The following FNBP1L variants were observed in gnomAD, a reference collection of about 807,000 sequenced individuals.
The protein encoded by FNBP1L is formin-binding protein 1-like.
In FNBP1L, 36 loss-of-function variants were observed where a neutral mutation model predicts 91.2. The ratio of observed to expected loss-of-function variants is 0.39; its 90% confidence interval spans 0.30 to 0.52. The LOEUF (loss-of-function observed/expected upper bound fraction) is 0.52. Ranked by LOEUF, FNBP1L falls within the 20% of genes least tolerant of loss-of-function variation. The pLI is 0.66. For missense variants in FNBP1L, 571 were observed against 732.1 expected (o/e 0.78, Z 2.54); for synonymous variants, 242 against 237.0 (o/e 1.02, Z -0.19).
chr1:93,530,894 G>A lies in FNBP1L; in HGVS notation c.639+11G>A. ...CCTCAGATTTACAAGGTAAATCTTA[G>A]ATATGAAGTTAATCTAGTTTTAGAT... On this transcript the variant is annotated intron_variant, in intron 7 of 16. Coordinates refer to ENST00000271234, the MANE Select transcript of FNBP1L (RefSeq NM_001164473.3). 6.6e-7 allele frequency: 1 copy of A among 1,519,814 alleles called. No homozygotes were observed. Among genetic ancestry groups the A allele is most frequent in the Non-Finnish European group, 8.9e-7 (1 of 1,128,330 alleles). The allele number at this position is 1,519,814 out of a possible 1,614,324, so 94.1% of individuals were successfully genotyped here.
At chr1:93,466,687 T>C (rs1410653681) in intron 1 of FNBP1L, among the ~76,000 whole-genome samples, 1 of 152,224 alleles carries the variant, frequency 6.6e-6, no homozygotes, top group African/African-American at 2.4e-5. Flanking sequence ...CTGTGTGGGC[T>C]CTTTTTTTGG....
rs1431778292 is a variant in FNBP1L, at chr1:93,554,564, A to G, written c.*2148A>G. 1 of 152,610 alleles carries G rather than the reference A, an allele frequency of 6.6e-6. No homozygotes were observed. Among genetic ancestry groups the G allele is most frequent in the African/African-American group, 2.4e-5 (1 of 41,442 alleles). 9.5% of individuals were successfully genotyped at this position (152,610 alleles called of 1,614,324 possible). ...TTGGTAATTTTTACTCTTTTTGTGC[A>G]CATGTTGATTTCTTAATGGTAAATC... On this transcript the variant is annotated 3_prime_UTR_variant, in exon 17 of 17. Coordinates refer to ENST00000271234, the MANE Select transcript of FNBP1L (RefSeq NM_001164473.3).
At chr1:93,490,405 A>G (rs936861229) in intron 1 of FNBP1L, among the ~76,000 whole-genome samples, 33 of 152,254 alleles carry the variant, frequency 2.2e-4, no homozygotes, top group African/African-American at 7.7e-4. Context: ...ACAAAATTAA[A>G]AAAGAATGCC....
intron 1 of FNBP1L, among the ~76,000 whole-genome samples, chr1:93,476,202 C>G (rs1171411619): frequency 6.6e-6 from 1 of 152,118 alleles, no homozygotes; most frequent in African/African-American, 2.4e-5. Flanking sequence ...ATTCTATGTT[C>G]AATTAAAGTA....
intron 2 of FNBP1L, among the ~76,000 whole-genome samples, chr1:93,504,936 A>T (rs1670558884): frequency 6.6e-6 from 1 of 151,600 alleles, no homozygotes. Flanking sequence ...TTAAATTTTG[A>T]TGTAGTTTAT....
intron 12 of FNBP1L, 60 bp from the exon 13 acceptor site, chr1:93,546,780 ACT>A (rs1672255538): frequency 1.3e-6 from 2 of 1,574,654 alleles, no homozygotes; most frequent in Non-Finnish European, 8.6e-7. Flanking sequence ...GTCCAATAAA[ACT>A]CTTTTATCTG....
chr1:93,508,936 G>A (rs1047188452), intron 2 of FNBP1L, among the ~76,000 whole-genome samples: 8 of 152,208 alleles, frequency 5.3e-5, no homozygotes, highest in South Asian at 2.1e-4. Flanking sequence ...CTCTTTTTCC[G>A]TGGCTTTAAG....
intron 16 of FNBP1L, 149 bp downstream of exon 16, chr1:93,551,254 G>A: frequency 5.1e-6 from 7 of 1,371,030 alleles, no homozygotes; most frequent in Non-Finnish European, 6.6e-6. Context: ...TATGTGAGCT[G>A]AGTGTAGGCT....
intron 2 of FNBP1L, among the ~76,000 whole-genome samples, chr1:93,507,753 A>C (rs1411883377): frequency 6.6e-6 from 1 of 151,990 alleles, no homozygotes; most frequent in Non-Finnish European, 1.5e-5. Flanking sequence ...GGTTCAAGCG[A>C]TTCTCCTGCC....
chr1:93,537,114 T>A (rs1365993511), intron 10 of FNBP1L, among the ~76,000 whole-genome samples: 1 of 152,092 alleles, frequency 6.6e-6, no homozygotes, highest in African/African-American at 2.4e-5. Flanking sequence ...GTTATACTAC[T>A]AATAAATACA....
chr1:93,511,104 A>G (rs1670822660), intron 2 of FNBP1L, among the ~76,000 whole-genome samples: 1 of 152,210 alleles, frequency 6.6e-6, no homozygotes, highest in African/African-American at 2.4e-5. Flanking sequence ...AATAAAGAGA[A>G]TGCCACAAAG....
At chr1:93,472,704 C>T (rs911114186) in intron 1 of FNBP1L, among the ~76,000 whole-genome samples, 2 of 149,700 alleles carry the variant, frequency 1.3e-5, no homozygotes, top group Non-Finnish European at 1.5e-5. Flanking sequence ...TCCAGCTACT[C>T]GGGAGGCTGA....
At chr1:93,450,367 C>T in intron 1 of FNBP1L, among the ~76,000 whole-genome samples, 1 of 152,094 alleles carries the variant, frequency 6.6e-6, no homozygotes, top group Middle Eastern at 3.2e-3. Context: ...TTTAATTTTT[C>T]TCAACATTTA....
chr1:93,473,680 G>A (rs753976806), intron 1 of FNBP1L, among the ~76,000 whole-genome samples: 4 of 152,180 alleles, frequency 2.6e-5, no homozygotes, highest in Non-Finnish European at 5.9e-5. Flanking sequence ...ACAGACATTT[G>A]TATTAGTCTG....
At position 93,499,508 on chromosome 1, in the gene FNBP1L, T is replaced by C. The variant is rs983054561; in HGVS notation, c.65T>C (p.Ile22Thr). The change falls in exon 2 of 17, where the codon ATT (isoleucine) becomes ACT (threonine). Residue 22 changes from isoleucine to threonine, a missense_variant. By Grantham distance (89) the Ile-to-Thr change is moderately conservative (BLOSUM62 -1). This residue lies in a region of FNBP1L where 220 missense variants were observed against 313.6 expected (regional missense o/e 0.70). Transcript: ENST00000271234. ...TTAGACAAGCATACACAATGGGGAA[T>C]TGACTTCTTGGAAAGATATGCCAAA... ...DSLDKHTQWG[I>T]DFLERYAKFV... 6 of 1,606,100 alleles carry C rather than the reference T, an allele frequency of 3.7e-6. No homozygotes were observed. In the African/African-American group the frequency reaches 4.0e-5, roughly 11 times the overall value.
chr1:93,496,140 GCCCA>G (rs1670250971), intron 1 of FNBP1L, among the ~76,000 whole-genome samples: 1 of 152,022 alleles, frequency 6.6e-6, no homozygotes, highest in African/African-American at 2.4e-5. Flanking sequence ...ATTAGATGAG[GCCCA>G]CCCACCCCTT....
At chr1:93,480,256 C>G (rs982407260) in intron 1 of FNBP1L, among the ~76,000 whole-genome samples, 1 of 152,182 alleles carries the variant, frequency 6.6e-6, no homozygotes, top group Non-Finnish European at 1.5e-5. Flanking sequence ...GAGTAAACCT[C>G]TAGTGGCCAC....
At chr1:93,498,983 G>A (rs1360080971) in intron 1 of FNBP1L, among the ~76,000 whole-genome samples, 7 of 152,186 alleles carry the variant, frequency 4.6e-5, no homozygotes, top group East Asian at 1.9e-4. Flanking sequence ...TCTTCACTGA[G>A]TACCTGCTAT....
At chr1:93,466,107 A>G (rs953887942) in intron 1 of FNBP1L, among the ~76,000 whole-genome samples, 2 of 151,712 alleles carry the variant, frequency 1.3e-5, no homozygotes, top group African/African-American at 4.8e-5. Context: ...ATTAGCCCTT[A>G]GTCAGATGAG....
Sources: gnomAD v4.1 joint callset for allele counts (sites outside exome capture counted in the v4.1 genomes callset) on GRCh38, gnomAD v4.1.1 for gene constraint, gnomAD v4.1.1 regional missense constraint, MANE v1.5 for transcripts, NCBI Gene and HGNC (gene_info 2026-07-23, HGNC 2026-07-21) for gene names.